CALB2: variants seen among roughly 807,000 people sequenced by gnomAD.
CALB2 encodes the protein calbindin 2, also known as calretinin.
CALB2 carries 34 observed loss-of-function variants against 45.9 expected under a neutral mutation model. That is an observed-to-expected ratio of 0.74 (90% CI 0.56 to 0.99). The LOEUF (loss-of-function observed/expected upper bound fraction) is 0.99, where lower values mean the gene tolerates loss of function less well. Among genes scored for constraint, CALB2 ranks in the 50% least tolerant of loss-of-function variants. CALB2 has a pLI of 0.00. For synonymous variants in CALB2, 142 were observed against 129.6 expected (o/e 1.10, Z -0.65); for missense variants, 344 against 339.3 (o/e 1.01, Z -0.11).
intron 1 of CALB2, among the ~76,000 whole-genome samples, chr16:71,369,394 G>A (rs998108714): frequency 1.3e-5 from 2 of 152,066 alleles, no homozygotes; most frequent in Non-Finnish European, 2.9e-5. Context: ...TCACTCTGCC[G>A]CCCCCCAAAT....
At position 71,385,563 on chromosome 16, in the gene CALB2, G is replaced by A; in HGVS notation, c.628-14G>A. 1.2e-6 allele frequency: 2 copies of A among 1,613,692 alleles called. No homozygotes were observed. Among genetic ancestry groups the A allele is most frequent in the Non-Finnish European group, 1.7e-6 (2 of 1,179,670 alleles). On this transcript the variant is annotated splice_polypyrimidine_tract_variant and intron_variant, in intron 9 of 10. Coordinates refer to ENST00000302628, the MANE Select transcript of CALB2 (RefSeq NM_001740.5). ...GGCTTTAGAGCTCTGGGTTGACTCT[G>A]CTCCCATCCCCAGGATAGAAGCGGC... is the stretch of plus-strand genomic sequence containing the variant.
At chr16:71,382,654 A>G in intron 4 of CALB2, 65 bp from the exon 5 acceptor site, 3 of 1,527,688 alleles carry the variant, frequency 2.0e-6, no homozygotes, top group Non-Finnish European at 2.7e-6. Flanking sequence ...TTAAAGGGGA[A>G]TGGAAGGGAG....
chr16:71,386,561 C>G (rs1389609013), intron 10 of CALB2, among the ~76,000 whole-genome samples: 1 of 152,224 alleles, frequency 6.6e-6, no homozygotes, highest in Non-Finnish European at 1.5e-5. Flanking sequence ...GAGACCCTCC[C>G]ATGGGCTCAG....
intron 10 of CALB2, among the ~76,000 whole-genome samples, chr16:71,387,161 G>A (rs543522873): frequency 6.6e-6 from 1 of 152,330 alleles, no homozygotes; most frequent in Middle Eastern, 3.4e-3. Context: ...TTAAATCTCA[G>A]AGTGACCTGA....
At chr16:71,378,837 C>T (rs1180798121) in intron 4 of CALB2, among the ~76,000 whole-genome samples, 4 of 152,098 alleles carry the variant, frequency 2.6e-5, no homozygotes, top group Non-Finnish European at 5.9e-5. Flanking sequence ...TTGTGTCTCT[C>T]GAAGTCAGAG....
At chr16:71,379,454 C>G (rs2042460406) in intron 4 of CALB2, among the ~76,000 whole-genome samples, 1 of 151,996 alleles carries the variant, frequency 6.6e-6, no homozygotes, top group Non-Finnish European at 1.5e-5. Context: ...CGATTTTTTA[C>G]TTACAAAAAG....
intron 3 of CALB2, among the ~76,000 whole-genome samples, chr16:71,377,050 G>A (rs907793980): frequency 2.0e-5 from 3 of 152,218 alleles, no homozygotes; most frequent in African/African-American, 4.8e-5. Flanking sequence ...ATCAGGATTG[G>A]CCTGTGACAC....
chr16:71,381,640 A>G (rs1221546541), intron 4 of CALB2, among the ~76,000 whole-genome samples: 1 of 152,148 alleles, frequency 6.6e-6, no homozygotes, highest in Non-Finnish European at 1.5e-5. Flanking sequence ...GCTCCCAGAA[A>G]ATCAAGTGTT....
At chr16:71,382,422 C>A (rs2042509562) in intron 4 of CALB2, among the ~76,000 whole-genome samples, 1 of 152,206 alleles carries the variant, frequency 6.6e-6, no homozygotes. Flanking sequence ...GCCCCTAAAA[C>A]TTAGCAGCCT....
chr16:71,383,243 G>A, intron 5 of CALB2, 124 bp from the exon 6 acceptor site: 1 of 889,808 alleles, frequency 1.1e-6, no homozygotes, highest in Non-Finnish European at 1.8e-6. Flanking sequence ...CTGAGTCATA[G>A]AACTGGTAGA....
At chr16:71,388,334 C>CAAAAAAAAAAAAAAAAAA (rs71153632) in intron 10 of CALB2, among the ~76,000 whole-genome samples, 1 of 103,424 alleles carries the variant, frequency 9.7e-6, no homozygotes. Flanking sequence ...GACCTTATCT[C>CAAAAAAAAAAAAAAAAAA]AAAAAAAAAA....
chr16:71,362,840 T>C (rs1200384133), intron 1 of CALB2, among the ~76,000 whole-genome samples: 1 of 152,168 alleles, frequency 6.6e-6, no homozygotes, highest in Non-Finnish European at 1.5e-5. Flanking sequence ...ACTTGAAAAT[T>C]TTACAAGAGC....
intron 9 of CALB2, chr16:71,385,295 G>T (rs1048653318): frequency 2.5e-5 from 10 of 401,554 alleles, no homozygotes; most frequent in Non-Finnish European, 4.5e-5. Flanking sequence ...AATAGCCCCC[G>T]GACTCAGGGA....
chr16:71,375,773 T>C (rs1181215060), intron 3 of CALB2, among the ~76,000 whole-genome samples: 1 of 152,208 alleles, frequency 6.6e-6, no homozygotes, highest in Non-Finnish European at 1.5e-5. Flanking sequence ...GCTAGGCTTA[T>C]AGGGACTCTG....
intron 4 of CALB2, among the ~76,000 whole-genome samples, chr16:71,378,427 G>A (rs541173545): frequency 3.3e-5 from 5 of 152,058 alleles, no homozygotes; most frequent in South Asian, 2.1e-4. Context: ...ATATGGTGGT[G>A]CACACCTGTA....
chr16:71,370,602 TC>T (rs1489418330), intron 1 of CALB2, among the ~76,000 whole-genome samples: 1 of 152,112 alleles, frequency 6.6e-6, no homozygotes, highest in Admixed American at 6.5e-5. Flanking sequence ...GTACCTGTAA[TC>T]CCAGCTACTT....
chr16:71,369,006 T>C (rs2042316814), intron 1 of CALB2, among the ~76,000 whole-genome samples: 1 of 152,136 alleles, frequency 6.6e-6, no homozygotes, highest in Non-Finnish European at 1.5e-5. Flanking sequence ...ATCTGTACTT[T>C]ACTTCTTTGG....
rs554577516 is a variant in CALB2 at position 71,367,904 on chromosome 16, G to A, written c.95-4249G>A. Among the ~76,000 whole-genome samples, 9 of 152,224 alleles carry A rather than the reference G, an allele frequency of 5.9e-5. No individual in the cohort carries two copies. In the South Asian group the frequency reaches 8.3e-4, roughly 14 times the overall value. On this transcript the variant is annotated intron_variant, in intron 1 of 10. Transcript: ENST00000302628. The stretch of plus-strand genomic sequence containing the variant: ...TTCAGAGAGGCGGCTTCTCTCCACA[G>A]GGCTGCCCTTCTAGCTCCTGGACCC...
At position 71,389,756 on chromosome 16, in the gene CALB2, A is replaced by G. The variant is rs144888503; in HGVS notation, c.707A>G (p.Asn236Ser). The G allele has an allele frequency of 3.7e-5, 59 of 1,613,242 alleles. No homozygotes were observed. Among genetic ancestry groups the G allele is most frequent in the Non-Finnish European group, 4.9e-5 (58 of 1,179,428 alleles). Residue 236 changes from asparagine (N) to serine (S), a missense_variant, in exon 11 of 11, where the codon AAT (asparagine) becomes AGT (serine). Asn to Ser is a conservative substitution (Grantham distance 46). Around this residue, in one of 3 missense-constraint regions of CALB2, gnomAD observed 263 missense variants for 241.7 expected, o/e 1.09. Coordinates refer to ENST00000302628, the MANE Select transcript of CALB2 (RefSeq NM_001740.5). ...DLYEKNKKEM[N>S]IQQLTNYRKS... ...TCTCCCTGTATTTCCTAGGAAATGA[A>G]TATTCAACAGCTCACCAACTACAGA... is the stretch of plus-strand genomic sequence containing the variant.
Sources: allele counts gnomAD v4.1 joint callset (sites outside exome capture counted in the v4.1 genomes callset), GRCh38; gene constraint gnomAD v4.1.1; regional missense constraint gnomAD v4.1.1; transcripts MANE v1.5; gene names NCBI Gene and HGNC (gene_info 2026-07-23, HGNC 2026-07-21).